The following EFCAB6 variants were observed in gnomAD, a reference collection of about 807,000 sequenced individuals.
The protein encoded by EFCAB6 is EF-hand calcium-binding domain-containing protein 6.
A neutral mutation model predicts 169.8 loss-of-function variants in EFCAB6; 156 were observed. That is an observed-to-expected ratio of 0.92 (90% CI 0.81 to 1.05). The LOEUF is 1.05. EFCAB6 is among the 50% of genes least tolerant of loss of function. EFCAB6 has a pLI of 0.00. For synonymous variants in EFCAB6, 698 were observed against 676.4 expected, an observed-to-expected ratio of 1.03 and a Z score of -0.50; for missense variants, 1,800 against 1,829.1, an observed-to-expected ratio of 0.98 and a Z score of 0.29.
At chr22:43,643,176 C>A (rs1004883831) in intron 17 of EFCAB6, among the ~76,000 whole-genome samples, 1 of 152,202 alleles carries the variant, frequency 6.6e-6, no homozygotes, top group African/African-American at 2.4e-5. Flanking sequence ...ACTTCCATCC[C>A]TCATTTAAAC....
Position 43,528,995 on chromosome 22 carries a change from G to T in EFCAB6, c.4384-20C>A, listed in dbSNP as rs759081893. 2 of 1,553,630 alleles carry T rather than the reference G, an allele frequency of 1.3e-6. No individual in the cohort carries two copies. Among genetic ancestry groups the T allele is most frequent in the Admixed American group, 3.4e-5 (2 of 58,918 alleles). On this transcript the variant is annotated intron_variant, in intron 31 of 31. Coordinates refer to ENST00000262726, the MANE Select transcript of EFCAB6 (RefSeq NM_022785.4). ...CAGGACCTGGAAGACAGAGAAAAGGGGCCTCTGAGGCTTGTTTGGTGCCCT... is the reference window on the plus strand; with the variant it reads ...CAGGACCTGGAAGACAGAGAAAAGGTGCCTCTGAGGCTTGTTTGGTGCCCT...
chr22:43,726,162 TAAAA>T (rs2059718490), intron 8 of EFCAB6, among the ~76,000 whole-genome samples: 1 of 146,832 alleles, frequency 6.8e-6, no homozygotes, highest in Non-Finnish European at 1.5e-5. Context: ...CAATTATTGA[TAAAA>T]TGCAAAAACA....
intron 13 of EFCAB6, among the ~76,000 whole-genome samples, chr22:43,674,898 C>G (rs1227058524): frequency 2.0e-5 from 3 of 152,048 alleles, no homozygotes; most frequent in African/African-American, 7.3e-5. Context: ...TGGCTGCTCA[C>G]TTGATTCCGT....
At chr22:43,579,965 C>T (rs1167754032) in intron 25 of EFCAB6, among the ~76,000 whole-genome samples, 2 of 152,152 alleles carry the variant, frequency 1.3e-5, no homozygotes, top group African/African-American at 4.8e-5. Context: ...ATTCCATACA[C>T]ATAGGCATCA....
At chr22:43,731,914 G>A in intron 7 of EFCAB6, 103 bp from the exon 8 acceptor site, 2 of 587,442 alleles carry the variant, frequency 3.4e-6, no homozygotes, top group Non-Finnish European at 5.4e-6. Context: ...TAATTTTAAT[G>A]TCTGTTTCTA....
chr22:43,780,056 T>C (rs1409005951), intron 3 of EFCAB6, among the ~76,000 whole-genome samples: 1 of 152,194 alleles, frequency 6.6e-6, no homozygotes, highest in African/African-American at 2.4e-5. Context: ...TATTTTTCCA[T>C]ATCCAATGGG....
chr22:43,692,240 C>T (rs575761807), intron 10 of EFCAB6, among the ~76,000 whole-genome samples: 1 of 152,228 alleles, frequency 6.6e-6, no homozygotes, highest in South Asian at 2.1e-4. Context: ...TTGAATCCAA[C>T]AAGATAACTG....
At chr22:43,770,074 C>T (rs993233746) in intron 4 of EFCAB6, among the ~76,000 whole-genome samples, 11 of 152,068 alleles carry the variant, frequency 7.2e-5, no homozygotes, top group African/African-American at 2.7e-4. Flanking sequence ...TCAGGCTGGT[C>T]TCGAACTCCA....
At chr22:43,713,021 T>C (rs1248769626) in intron 9 of EFCAB6, among the ~76,000 whole-genome samples, 2 of 152,370 alleles carry the variant, frequency 1.3e-5, no homozygotes, top group Admixed American at 1.3e-4. Flanking sequence ...ACCATCATAT[T>C]CTTGATGGAA....
At chr22:43,545,259 A>G (rs1192535286) in intron 27 of EFCAB6, among the ~76,000 whole-genome samples, 1 of 152,014 alleles carries the variant, frequency 6.6e-6, no homozygotes, top group Non-Finnish European at 1.5e-5. Flanking sequence ...CTTTCTGGCC[A>G]CAATACAATA....
Position 43,762,585 on chromosome 22 carries a change from C to T in EFCAB6, c.440+2720G>A, listed in dbSNP as rs150195100. 1.2e-3 allele frequency among the ~76,000 whole-genome samples: 181 copies of T among 152,278 alleles called. 2 individuals carry two copies. The highest frequency in any genetic ancestry group is 4.3e-3 in the African/African-American group (177 of 41,568). ...TCATGGTATATAGCCTACCGTATTG[C>T]TAGAAAAAGAAGTCTCTGTTCGCTA... On this transcript the variant is annotated intron_variant, in intron 5 of 31. Transcript: ENST00000262726.
At chr22:43,617,248 T>A (rs985808195) in intron 20 of EFCAB6, among the ~76,000 whole-genome samples, 1 of 152,222 alleles carries the variant, frequency 6.6e-6, no homozygotes, top group African/African-American at 2.4e-5. Flanking sequence ...GTCCTAATGA[T>A]GTCTATTTCC....
chr22:43,543,914 C>A (rs1042529219), intron 27 of EFCAB6, among the ~76,000 whole-genome samples: 1 of 152,144 alleles, frequency 6.6e-6, no homozygotes, highest in Non-Finnish European at 1.5e-5. Context: ...TAGTTCTAGA[C>A]ATTTCTCTCT....
At chr22:43,540,547 G>C (rs992305586) in intron 27 of EFCAB6, 190 bp from the exon 28 acceptor site, 1 of 1,521,788 alleles carries the variant, frequency 6.6e-7, no homozygotes, top group African/African-American at 1.4e-5. Flanking sequence ...GAAGACTCTG[G>C]AAAAGCAAAG....
chr22:43,640,955 C>T (rs900797374), intron 17 of EFCAB6, among the ~76,000 whole-genome samples: 1 of 152,196 alleles, frequency 6.6e-6, no homozygotes, highest in Non-Finnish European at 1.5e-5. Context: ...AGAGCCTTCT[C>T]GGTCCTCCCC....
chr22:43,637,633 G>A (rs1437801879), intron 17 of EFCAB6, among the ~76,000 whole-genome samples: 2 of 152,194 alleles, frequency 1.3e-5, no homozygotes, highest in African/African-American at 4.8e-5. Context: ...GGGTGGCAAC[G>A]CAGGAGTACA....
intron 26 of EFCAB6, among the ~76,000 whole-genome samples, chr22:43,573,732 C>CAAAAAAAAA (rs748024357): frequency 1.2e-5 from 1 of 85,336 alleles, no homozygotes; most frequent in Non-Finnish European, 2.3e-5. Context: ...TCTGTCTCAA[C>CAAAAAAAAA]AAAAAAAAAA....
intron 27 of EFCAB6, chr22:43,552,628 G>A (rs974377157): frequency 1.1e-4 from 17 of 152,168 alleles, no homozygotes; most frequent in Admixed American, 1.0e-3. Flanking sequence ...TTTTTAGAAA[G>A]CCGCGTTTAA....
At chr22:43,575,443 G>A (rs185165330) in intron 26 of EFCAB6, among the ~76,000 whole-genome samples, 1 of 149,412 alleles carries the variant, frequency 6.7e-6, no homozygotes, top group African/African-American at 2.5e-5. Flanking sequence ...CCTGACCTCA[G>A]GTGATCTGCC....
Sources: allele counts gnomAD v4.1 joint callset (sites outside exome capture counted in the v4.1 genomes callset), GRCh38; gene constraint gnomAD v4.1.1; transcripts MANE v1.5; gene names NCBI Gene and HGNC (gene_info 2026-07-23, HGNC 2026-07-21).